The following IQSEC1 variants were observed in gnomAD, a reference collection of about 807,000 sequenced individuals.
IQSEC1 encodes IQ motif and Sec7 domain ArfGEF 1, also known as IQ motif and SEC7 domain-containing protein 1.
IQSEC1 carries 31 observed loss-of-function variants against 91.0 expected under a neutral mutation model. The ratio of observed to expected loss-of-function variants is 0.34; its 90% CI spans 0.26 to 0.46. The LOEUF (loss-of-function observed/expected upper bound fraction) is 0.46. Ranked by LOEUF, IQSEC1 falls within the 20% of genes least tolerant of loss-of-function variation. The pLI, the probability that IQSEC1 is intolerant of heterozygous loss-of-function variation, is 1.00. For missense variants in IQSEC1, 1,388 were observed against 1,575.6 expected, an observed-to-expected ratio of 0.88 and a Z score of 2.02; for synonymous variants, 699 against 662.6, an observed-to-expected ratio of 1.05 and a Z score of -0.84.
At chr3:12,931,589 G>A (rs1200628246) in intron 3 of IQSEC1, among the ~76,000 whole-genome samples, 2 of 152,242 alleles carry the variant, frequency 1.3e-5, no homozygotes, top group African/African-American at 4.8e-5. Flanking sequence ...AACACAAGGA[G>A]CACAGAGCTG....
intron 1 of IQSEC1, among the ~76,000 whole-genome samples, chr3:13,038,110 C>T (rs753619776): frequency 3.5e-4 from 53 of 150,176 alleles, no homozygotes; most frequent in Non-Finnish European, 5.0e-4. Flanking sequence ...GTTTTAGCAA[C>T]GCTGTAAAAA....
At chr3:13,190,349 A>T (rs1694000946) in intron 1 of IQSEC1, among the ~76,000 whole-genome samples, 1 of 152,108 alleles carries the variant, frequency 6.6e-6, no homozygotes, top group Non-Finnish European at 1.5e-5. Context: ...AGGTGGGAGG[A>T]TCTCCTGATC....
rs1309712088 is a variant in IQSEC1 at position 13,214,566 on chromosome 3, G to C, written c.273-50433C>G. ...GCAGCCTGGGGCCTCTCACTGCCAG[G>C]TGGACGAACCAGGGCAGGAATCCTA... On this transcript the variant is annotated intron_variant, in intron 1 of 15. Transcript: ENST00000648114. The surrounding 1 kb of genome is among the most constrained non-coding windows in gnomAD (Gnocchi z 4.5). Among the ~76,000 whole-genome samples the C allele has an allele frequency of 6.6e-6, 1 of 152,262 alleles. No individual in the cohort carries two copies. Among genetic ancestry groups the C allele is most frequent in the African/African-American group, 2.4e-5 (1 of 41,464 alleles).
intron 2 of IQSEC1, among the ~76,000 whole-genome samples, chr3:13,131,447 GT>G (rs1559261346): frequency 6.9e-6 from 1 of 144,768 alleles, no homozygotes; most frequent in East Asian, 2.0e-4. Flanking sequence ...ACTTAATGTG[GT>G]TATTGAAATG....
chr3:13,081,769 G>A (rs577567958), intron 2 of IQSEC1, among the ~76,000 whole-genome samples: 2 of 152,336 alleles, frequency 1.3e-5, no homozygotes, highest in East Asian at 1.9e-4. Context: ...AGCTGGCTCC[G>A]ACACCGCCTG....
At chr3:13,097,001 C>G (rs961531970) in intron 2 of IQSEC1, among the ~76,000 whole-genome samples, 11 of 152,128 alleles carry the variant, frequency 7.2e-5, no homozygotes, top group Non-Finnish European at 1.6e-4. Context: ...GCTGGGACTA[C>G]AGGCGCCCGC....
intron 1 of IQSEC1, among the ~76,000 whole-genome samples, chr3:12,987,496 C>T (rs926546645): frequency 5.3e-5 from 8 of 152,148 alleles, no homozygotes; most frequent in African/African-American, 1.7e-4. Flanking sequence ...GATTAAAGAC[C>T]TAATGTGAAA....
At chr3:13,073,463 C>T (rs1268116019), upstream of IQSEC1, among the ~76,000 whole-genome samples, 1 of 151,680 alleles carries the variant, frequency 6.6e-6, no homozygotes, top group Non-Finnish European at 1.5e-5. Flanking sequence ...GCCTCCCCCA[C>T]CCCCCGCGCC....
intron 1 of IQSEC1, among the ~76,000 whole-genome samples, chr3:12,974,307 G>T (rs956546352): frequency 2.0e-5 from 3 of 152,208 alleles, no homozygotes; most frequent in Non-Finnish European, 4.4e-5. Context: ...CATGATTCTA[G>T]GTCCTCGGTG....
In IQSEC1 at chr3:12,970,412, C is replaced by T. The variant is rs527523282; in HGVS notation, c.24-28547G>A. ...TTTAGTCCTGAGCTGCTTGCCTTGGCCCATTTCACATGCTACAACCCGACT... is the reference window on the plus strand; with the variant it reads ...TTTAGTCCTGAGCTGCTTGCCTTGGTCCATTTCACATGCTACAACCCGACT... On this transcript the variant is annotated intron_variant, in intron 1 of 13. Transcript: ENST00000613206. This position sits in a 1 kb window ranked among gnomAD's most constrained non-coding sequence, Gnocchi z 4.4. Among the ~76,000 whole-genome samples, 2 of 152,270 alleles carry T rather than the reference C, an allele frequency of 1.3e-5. No individual in the cohort carries two copies. Among genetic ancestry groups the T allele is most frequent in the Non-Finnish European group, 2.9e-5 (2 of 68,016 alleles).
intron 6 of IQSEC1, 152 bp downstream of exon 6, chr3:12,920,278 C>T: frequency 1.4e-6 from 1 of 717,686 alleles, no homozygotes; most frequent in Non-Finnish European, 2.4e-6. Context: ...GTCATCTGTG[C>T]TCCCCAAAGG....
Position 12,922,174 on chromosome 3 carries a change from T to G in IQSEC1, c.1799A>C (p.His600Pro). Residue 600 changes from histidine to proline, a missense_variant, in exon 5 of 14, where the codon CAC becomes CCC. His to Pro is a moderately conservative substitution (Grantham distance 77). Transcript: ENST00000613206. This position sits in a 1 kb window ranked among gnomAD's most constrained non-coding sequence, Gnocchi z 5.1. ...CTGAGCCTCCCCTTGGACACGGATG[T>G]GCGCCTGGAATTTCCTGAGGGCCTC... ...LDEALRKFQAHIRVQGEAQKV... is the reference protein window; with the variant it reads ...LDEALRKFQAPIRVQGEAQKV... 6.2e-7 allele frequency: 1 copy of G among 1,610,606 alleles called. No individual in the cohort carries two copies. Among genetic ancestry groups the G allele is most frequent in the Non-Finnish European group, 8.5e-7 (1 of 1,177,802 alleles).
At chr3:12,961,775 A>G (rs2125486422) in intron 1 of IQSEC1, among the ~76,000 whole-genome samples, 1 of 152,358 alleles carries the variant, frequency 6.6e-6, no homozygotes, top group African/African-American at 2.4e-5. Flanking sequence ...GCACTGTTGA[A>G]GCACTCACAT....
At chr3:13,093,827 C>T (rs1047168247) in intron 2 of IQSEC1, among the ~76,000 whole-genome samples, 30 of 152,202 alleles carry the variant, frequency 2.0e-4, no homozygotes, top group African/African-American at 6.5e-4. Flanking sequence ...TCCCCCTGTC[C>T]GTTCTCAGCA....
intron 1 of IQSEC1, among the ~76,000 whole-genome samples, chr3:13,182,838 T>C (rs1457983674): frequency 6.6e-6 from 1 of 152,060 alleles, no homozygotes; most frequent in African/African-American, 2.4e-5. Context: ...TATGAGAAAA[T>C]AAGATCTCAA....
At chr3:13,023,036 TATGATTAGTGTTGGTTTAC>T (rs1165079582) in intron 1 of IQSEC1, among the ~76,000 whole-genome samples, 2 of 152,234 alleles carry the variant, frequency 1.3e-5, no homozygotes, top group Admixed American at 1.3e-4. Flanking sequence ...AAGTGGATTT[TATGATTAGTGTTGGTTTAC>T]ATGAGACACA....
chr3:12,988,408 C>T (rs549517600), intron 1 of IQSEC1, among the ~76,000 whole-genome samples: 1 of 151,596 alleles, frequency 6.6e-6, no homozygotes, highest in Admixed American at 6.6e-5. Context: ...GAGCGAGGCT[C>T]TATCTCAAAA....
intron 1 of IQSEC1, among the ~76,000 whole-genome samples, chr3:13,266,993 C>T (rs1467046094): frequency 1.3e-5 from 2 of 151,658 alleles, no homozygotes; most frequent in African/African-American, 4.8e-5. Context: ...ACCGCTTACT[C>T]GATTGGACCT....
chr3:13,232,646 G>A (rs1013150137), intron 1 of IQSEC1, among the ~76,000 whole-genome samples: 2 of 152,152 alleles, frequency 1.3e-5, no homozygotes, highest in African/African-American at 4.8e-5. Flanking sequence ...AGGGGCGCAG[G>A]AGACAGAGCC....
Sources: gnomAD v4.1 joint callset for allele counts (sites outside exome capture counted in the v4.1 genomes callset) on GRCh38, gnomAD v4.1.1 for gene constraint, Gnocchi (gnomAD v3.1) non-coding constraint, MANE v1.5 for transcripts, NCBI Gene and HGNC (gene_info 2026-07-23, HGNC 2026-07-21) for gene names.